The following RAB3C variants were observed in gnomAD, a reference collection of about 807,000 sequenced individuals.
RAB3C encodes the protein ras-related protein Rab-3C.
A neutral mutation model predicts 26.4 loss-of-function variants in RAB3C; 17 were observed. The ratio of observed to expected loss-of-function variants is 0.64; its 90% CI spans 0.44 to 0.97. RAB3C has a LOEUF of 0.97. Ranked by LOEUF, RAB3C falls within the 50% of genes least tolerant of loss-of-function variation. RAB3C has a pLI of 0.00. For missense variants in RAB3C, 242 were observed against 281.9 expected, an observed-to-expected ratio of 0.86 and a Z score of 1.01; for synonymous variants, 91 against 95.9, an observed-to-expected ratio of 0.95 and a Z score of 0.30.
chr5:58,751,601 T>A (rs1340464735), intron 3 of RAB3C, among the ~76,000 whole-genome samples: 1 of 152,240 alleles, frequency 6.6e-6, no homozygotes, highest in Non-Finnish European at 1.5e-5. Flanking sequence ...ATACAAAGAA[T>A]ATTTGTGATT....
chr5:58,724,596 A>G (rs143735263), intron 2 of RAB3C, among the ~76,000 whole-genome samples: 4 of 151,886 alleles, frequency 2.6e-5, no homozygotes, highest in East Asian at 1.9e-4. Context: ...AATAAATATG[A>G]TCTATCTTTT....
intron 3 of RAB3C, among the ~76,000 whole-genome samples, chr5:58,734,228 C>A: frequency 6.6e-6 from 1 of 151,846 alleles, no homozygotes; most frequent in East Asian, 1.9e-4. Context: ...TTTTTCTTTC[C>A]CCTCCAAAAC....
intron 1 of RAB3C, among the ~76,000 whole-genome samples, chr5:58,596,857 A>ATATTATATATAAATT (rs1561260210): frequency 5.8e-5 from 5 of 86,022 alleles, no homozygotes; most frequent in Admixed American, 2.1e-4. Flanking sequence ...AATACATAAT[A>ATATTATATATAAATT]TATAATATTA....
At chr5:58,831,177 A>C (rs1410718353) in intron 4 of RAB3C, among the ~76,000 whole-genome samples, 1 of 152,114 alleles carries the variant, frequency 6.6e-6, no homozygotes, top group Non-Finnish European at 1.5e-5. Context: ...CACTGTGCCT[A>C]GCCCACAATA....
chr5:58,682,699 A>G (rs1748372205), intron 2 of RAB3C, among the ~76,000 whole-genome samples: 1 of 151,632 alleles, frequency 6.6e-6, no homozygotes, highest in Non-Finnish European at 1.5e-5. Context: ...GAAAAAAGAA[A>G]AAAAAAAAAA....
At chr5:58,712,898 A>G (rs1209384265) in intron 2 of RAB3C, among the ~76,000 whole-genome samples, 2 of 152,192 alleles carry the variant, frequency 1.3e-5, no homozygotes, top group African/African-American at 2.4e-5. Flanking sequence ...CACAAGGTCA[A>G]ATGGGTGAGA....
intron 2 of RAB3C, among the ~76,000 whole-genome samples, chr5:58,658,888 C>T (rs1747838753): frequency 6.6e-6 from 1 of 152,146 alleles, no homozygotes; most frequent in South Asian, 2.1e-4. Flanking sequence ...GCATGCAAGG[C>T]TTCTTAAGAT....
At chr5:58,816,729 CA>C (rs1355983458) in intron 3 of RAB3C, among the ~76,000 whole-genome samples, 2 of 152,036 alleles carry the variant, frequency 1.3e-5, no homozygotes, top group Admixed American at 6.5e-5. Flanking sequence ...GCTGAAAATA[CA>C]GAGTGTATGG....
chr5:58,761,766 T>C (rs1413700752), intron 3 of RAB3C, among the ~76,000 whole-genome samples: 1 of 152,214 alleles, frequency 6.6e-6, no homozygotes, highest in Non-Finnish European at 1.5e-5. Flanking sequence ...ATCTTTTCTG[T>C]CTTTATATAC....
intron 2 of RAB3C, among the ~76,000 whole-genome samples, chr5:58,698,822 C>T (rs192442725): frequency 3.2e-4 from 49 of 152,182 alleles, no homozygotes; most frequent in Admixed American, 1.1e-3. Context: ...GTTAGCCATT[C>T]GCCTAATCTT....
intron 2 of RAB3C, among the ~76,000 whole-genome samples, chr5:58,720,115 T>C (rs1740715307): frequency 6.6e-6 from 1 of 151,880 alleles, no homozygotes; most frequent in Non-Finnish European, 1.5e-5. Flanking sequence ...CTATTACAAT[T>C]TTAAATTGCT....
rs143641403 is a variant in RAB3C, at chr5:58,844,805, GA to G, written c.497-6350del. On this transcript the variant is annotated intron_variant, in intron 4 of 4. Coordinates refer to ENST00000282878, the MANE Select transcript of RAB3C (RefSeq NM_138453.4). The stretch of plus-strand genomic sequence containing the variant: ...CTTTAGTGGCTATTTCCTCTCTACA[GA>G]AAAAAAAATATCACTTGTGATTTTT... Among the ~76,000 whole-genome samples, 10 of 151,064 alleles carry G rather than the reference GA, an allele frequency of 6.6e-5. No homozygotes were observed. The South Asian group carries it at 1.3e-3, about 19-fold the overall frequency.
At chr5:58,808,879 C>A (rs1199612969) in intron 3 of RAB3C, among the ~76,000 whole-genome samples, 1 of 152,178 alleles carries the variant, frequency 6.6e-6, no homozygotes, top group African/African-American at 2.4e-5. Context: ...ACTCTCTTGA[C>A]TTAGCATTTC....
At chr5:58,775,437 G>A (rs865810068) in intron 3 of RAB3C, among the ~76,000 whole-genome samples, 2 of 152,184 alleles carry the variant, frequency 1.3e-5, no homozygotes, top group Middle Eastern at 3.4e-3. Flanking sequence ...CAGCCACAGA[G>A]ACTTGAATTT....
At chr5:58,804,598 A>T (rs1267371770) in intron 3 of RAB3C, among the ~76,000 whole-genome samples, 1 of 152,196 alleles carries the variant, frequency 6.6e-6, no homozygotes, top group African/African-American at 2.4e-5. Context: ...TTTAGGAAAG[A>T]ATGTTAATAT....
chr5:58,703,757 C>A (rs960772461), intron 2 of RAB3C, among the ~76,000 whole-genome samples: 1 of 152,058 alleles, frequency 6.6e-6, no homozygotes, highest in Non-Finnish European at 1.5e-5. Context: ...GAATGTCCCC[C>A]TTTTAACAAA....
intron 2 of RAB3C, among the ~76,000 whole-genome samples, chr5:58,700,673 CATT>C (rs1748822438): frequency 6.6e-6 from 1 of 152,190 alleles, no homozygotes; most frequent in African/African-American, 2.4e-5. Context: ...AAAACATCAT[CATT>C]ATTTCCCTGT....
intron 3 of RAB3C, among the ~76,000 whole-genome samples, chr5:58,733,135 G>A (rs765921985): frequency 4.6e-5 from 7 of 152,070 alleles, no homozygotes; most frequent in Non-Finnish European, 8.8e-5. Flanking sequence ...TAACTTCCTC[G>A]AAGATAGTCT....
intron 3 of RAB3C, among the ~76,000 whole-genome samples, chr5:58,811,402 G>T (rs115119615): frequency 6.6e-6 from 1 of 151,830 alleles, no homozygotes; most frequent in Non-Finnish European, 1.5e-5. Context: ...ATAGAGAGAG[G>T]ATTTTATAGT....
Sources: allele counts gnomAD v4.1 joint callset (sites outside exome capture counted in the v4.1 genomes callset), GRCh38; gene constraint gnomAD v4.1.1; transcripts MANE v1.5; gene names NCBI Gene and HGNC (gene_info 2026-07-23, HGNC 2026-07-21).